The following CNTNAP2 variants were observed in gnomAD, a reference collection of about 807,000 sequenced individuals.
The protein encoded by CNTNAP2 is contactin-associated protein-like 2.
A neutral mutation model predicts 155.2 loss-of-function variants in CNTNAP2; 98 were observed. That is an observed-to-expected ratio of 0.63 (90% CI 0.54 to 0.75). The LOEUF (loss-of-function observed/expected upper bound fraction) is 0.75, where lower values mean the gene tolerates loss of function less well. Ranked by LOEUF, CNTNAP2 falls within the 30% of genes least tolerant of loss-of-function variation. The probability of loss-of-function intolerance (pLI) is 0.00; values close to 1 mark genes in which losing one functional copy is unlikely to be tolerated. For missense variants in CNTNAP2, 1,727 were observed against 1,688.1 expected (o/e 1.02, Z -0.40); for synonymous variants, 651 against 631.2 (o/e 1.03, Z -0.47).
At chr7:147,246,097 A>G (rs950380131) in intron 8 of CNTNAP2, among the ~76,000 whole-genome samples, 1 of 149,830 alleles carries the variant, frequency 6.7e-6, no homozygotes, top group African/African-American at 2.4e-5. Context: ...TATATGGCAT[A>G]TATATATATA....
intron 20 of CNTNAP2, among the ~76,000 whole-genome samples, chr7:148,253,055 T>TAGATGATAGATAGATAGATA (rs57134961): frequency 1.4e-5 from 2 of 138,692 alleles, no homozygotes; most frequent in African/African-American, 2.6e-5. Context: ...GATAGACAGA[T>TAGATGATAGATAGATAGATA]GATAGATAGA....
chr7:146,712,693 A>G (rs921880368), intron 1 of CNTNAP2, among the ~76,000 whole-genome samples: 1 of 151,928 alleles, frequency 6.6e-6, no homozygotes, highest in Non-Finnish European at 1.5e-5. Flanking sequence ...GATAAAATAA[A>G]TAGTCTAACA....
intron 22 of CNTNAP2, among the ~76,000 whole-genome samples, chr7:148,394,331 T>A (rs1799417902): frequency 6.6e-6 from 1 of 152,144 alleles, no homozygotes. Context: ...TCTGAGTCCC[T>A]ACTGGACTCT....
chr7:146,516,213 G>T (rs989421971), intron 1 of CNTNAP2, among the ~76,000 whole-genome samples: 1 of 149,672 alleles, frequency 6.7e-6, no homozygotes, highest in Non-Finnish European at 1.5e-5. Context: ...ATGTGCAATG[G>T]TCAATATGGT....
At chr7:147,132,203 T>C (rs910903599) in intron 7 of CNTNAP2, 42 bp from the exon 8 acceptor site, 1 of 1,611,772 alleles carries the variant, frequency 6.2e-7, no homozygotes, top group Non-Finnish European at 8.5e-7. Context: ...GATGTTCATT[T>C]TATTCTGTGT....
intron 1 of CNTNAP2, among the ~76,000 whole-genome samples, chr7:146,347,023 A>G (rs980400950): frequency 4.0e-5 from 6 of 151,882 alleles, no homozygotes; most frequent in South Asian, 2.1e-4. Context: ...AACCAAGACT[A>G]AAAGGGTCGA....
At chr7:147,306,374 G>C (rs1469231843) in intron 9 of CNTNAP2, among the ~76,000 whole-genome samples, 2 of 152,124 alleles carry the variant, frequency 1.3e-5, no homozygotes, top group African/African-American at 4.8e-5. Flanking sequence ...ATCGTGCATA[G>C]TGGATAAAAA....
chr7:146,721,593 T>G (rs1391251739), intron 1 of CNTNAP2, among the ~76,000 whole-genome samples: 1 of 122,962 alleles, frequency 8.1e-6, no homozygotes, highest in East Asian at 2.2e-4. Flanking sequence ...TCTATATATA[T>G]ATTCTATATA....
intron 4 of CNTNAP2, among the ~76,000 whole-genome samples, chr7:147,070,807 G>C (rs1342600151): frequency 2.6e-5 from 4 of 151,998 alleles, no homozygotes; most frequent in Admixed American, 2.6e-4. Flanking sequence ...TTGTTGGCTG[G>C]AAGGTTTAAG....
chr7:146,625,131 T>C (rs1799397520), intron 1 of CNTNAP2, among the ~76,000 whole-genome samples: 1 of 152,004 alleles, frequency 6.6e-6, no homozygotes, highest in African/African-American at 2.4e-5. Context: ...GCTTTAATAT[T>C]ATAGATGGCA....
intron 13 of CNTNAP2, among the ~76,000 whole-genome samples, chr7:147,868,071 C>A (rs1799263494): frequency 6.9e-6 from 1 of 145,518 alleles, no homozygotes; most frequent in East Asian, 2.0e-4. Context: ...CTGGTTTCTC[C>A]CCATCTTTGT....
chr7:146,490,089 C>T (rs932777664), intron 1 of CNTNAP2, among the ~76,000 whole-genome samples: 3 of 152,124 alleles, frequency 2.0e-5, no homozygotes, highest in Non-Finnish European at 4.4e-5. Flanking sequence ...CTTTAAACTG[C>T]CTTTGGTTTG....
chr7:146,613,979 G>C (rs1457233941), intron 1 of CNTNAP2, among the ~76,000 whole-genome samples: 1 of 152,030 alleles, frequency 6.6e-6, no homozygotes, highest in Non-Finnish European at 1.5e-5. Context: ...TGACTGTTTT[G>C]GGAAGGAATT....
At chr7:148,046,629 C>A (rs938387698) in intron 15 of CNTNAP2, among the ~76,000 whole-genome samples, 4 of 152,092 alleles carry the variant, frequency 2.6e-5, no homozygotes, top group African/African-American at 7.2e-5. Context: ...AGTTTTTAAG[C>A]CTCTGATAAT....
At chr7:147,390,117 TCTC>T (rs1796684824) in intron 9 of CNTNAP2, among the ~76,000 whole-genome samples, 3 of 152,156 alleles carry the variant, frequency 2.0e-5, no homozygotes, top group Admixed American at 2.0e-4. Context: ...AATAATAGGT[TCTC>T]CTCTGTTTCT....
chr7:147,772,207 C>T (rs182213207), intron 13 of CNTNAP2, among the ~76,000 whole-genome samples: 129 of 151,516 alleles, frequency 8.5e-4, no homozygotes, highest in African/African-American at 2.8e-3. Context: ...GGGTGGATCA[C>T]GAGGTCAGGA....
chr7:146,469,962 C>T (rs564360445), intron 1 of CNTNAP2, among the ~76,000 whole-genome samples: 230 of 151,962 alleles, frequency 1.5e-3, no homozygotes, highest in African/African-American at 5.5e-3. Flanking sequence ...GCCTCAGCCT[C>T]CCGAGTAGCT....
At chr7:146,126,649 A>G (rs978915761) in intron 1 of CNTNAP2, among the ~76,000 whole-genome samples, 1 of 152,234 alleles carries the variant, frequency 6.6e-6, no homozygotes, top group African/African-American at 2.4e-5. Context: ...AACTGTAAAT[A>G]TGATTGCTAT....
At chr7:147,098,012 T>C (rs1013045423) in intron 4 of CNTNAP2, among the ~76,000 whole-genome samples, 1 of 152,190 alleles carries the variant, frequency 6.6e-6, no homozygotes, top group Non-Finnish European at 1.5e-5. Flanking sequence ...GTAGTGATAA[T>C]GCATCATCTG....
Sources: gnomAD v4.1 joint callset for allele counts (sites outside exome capture counted in the v4.1 genomes callset) on GRCh38, gnomAD v4.1.1 for gene constraint, MANE v1.5 for transcripts, NCBI Gene and HGNC (gene_info 2026-07-23, HGNC 2026-07-21) for gene names.